Variants in ARMC9 observed in about 807,000 individuals in gnomAD.
The protein encoded by ARMC9 is lisH domain-containing protein ARMC9.
Under a neutral mutation model 107.0 loss-of-function variants are expected in ARMC9, and 94 were observed. That is an observed-to-expected ratio of 0.88 (90% CI 0.74 to 1.04). ARMC9 has a LOEUF of 1.04. Among genes scored for constraint, ARMC9 ranks in the 50% least tolerant of loss-of-function variants. The pLI, the probability that ARMC9 is intolerant of heterozygous loss-of-function variation, is 0.00. For missense variants in ARMC9, 942 were observed against 1,030.1 expected, an observed-to-expected ratio of 0.91 and a Z score of 1.17; for synonymous variants, 380 against 396.9, an observed-to-expected ratio of 0.96 and a Z score of 0.51.
chr2:231,235,615 A>G (rs1411403306), intron 8 of ARMC9, among the ~76,000 whole-genome samples: 5 of 152,166 alleles, frequency 3.3e-5, no homozygotes, highest in Non-Finnish European at 7.4e-5. Flanking sequence ...ACTGTCTGCC[A>G]TATCTTTATT....
chr2:231,324,123 C>CTTTTTTTTTTTTTTT (rs71296842), intron 19 of ARMC9, among the ~76,000 whole-genome samples: 11 of 89,266 alleles, frequency 1.2e-4, no homozygotes, highest in South Asian at 4.2e-4. Flanking sequence ...TTGTAAAGTA[C>CTTTTTTTTTTTTTTT]TTTTTTTTTT....
chr2:231,270,578 C>T (rs746504112), intron 12 of ARMC9: 8 of 471,472 alleles, frequency 1.7e-5, no homozygotes, highest in Middle Eastern at 6.4e-4. Context: ...GTGCTGTTCT[C>T]TCTGTCCTTG....
At chr2:231,292,628 C>T (rs1375772116) in intron 18 of ARMC9, among the ~76,000 whole-genome samples, 2 of 152,184 alleles carry the variant, frequency 1.3e-5, no homozygotes, top group Non-Finnish European at 2.9e-5. Flanking sequence ...TTTCTGTGGA[C>T]TCCTGACATC....
At chr2:231,286,201 C>T (rs554651295) in intron 17 of ARMC9, among the ~76,000 whole-genome samples, 8 of 152,014 alleles carry the variant, frequency 5.3e-5, no homozygotes, top group Admixed American at 2.0e-4. Context: ...CTGTAACCTC[C>T]GCCTCCCGAG....
chr2:231,294,441 A>ATATCGGAG (rs1404931815), intron 18 of ARMC9: 1 of 152,268 alleles, frequency 6.6e-6, no homozygotes, highest in Non-Finnish European at 1.5e-5. Flanking sequence ...CGTGTGTTAG[A>ATATCGGAG]TATCGGAGTG....
chr2:231,347,962 A>G (rs547455952), intron 21 of ARMC9, among the ~76,000 whole-genome samples: 3 of 152,336 alleles, frequency 2.0e-5, no homozygotes, highest in South Asian at 4.1e-4. Flanking sequence ...TTAGTATCAC[A>G]TTAAATTTAT....
In ARMC9 at chr2:231,278,908, C is replaced by G. The variant is rs9653381; in HGVS notation, c.1551+450C>G. Among the ~76,000 whole-genome samples the G allele has an allele frequency of 7.2e-3, 1,090 of 152,348 alleles. 15 individuals are homozygous for G. The highest frequency in any genetic ancestry group is 0.025 in the African/African-American group (1,029 of 41,584). On this transcript the variant is annotated intron_variant, in intron 16 of 24. Coordinates refer to ENST00000611582, the MANE Select transcript of ARMC9 (RefSeq NM_001352754.2). Reference sequence around the variant, plus strand: ...GGCTTTTCCCTTGTGTTTTTAGGACCTTTCTATGTTGCTTTACATATGTCT... The same window carrying G: ...GGCTTTTCCCTTGTGTTTTTAGGACGTTTCTATGTTGCTTTACATATGTCT...
intron 19 of ARMC9, among the ~76,000 whole-genome samples, chr2:231,304,034 A>G (rs2041910780): frequency 1.3e-5 from 2 of 152,294 alleles, no homozygotes; most frequent in South Asian, 4.1e-4. Context: ...GATCAAGACC[A>G]TCCTGGCCAA....
At chr2:231,329,117 G>A (rs764427843) in intron 19 of ARMC9, among the ~76,000 whole-genome samples, 31 of 151,634 alleles carry the variant, frequency 2.0e-4, no homozygotes, top group African/African-American at 2.7e-4. Context: ...CACCGCGCCC[G>A]GCCAACGTGT....
intron 2 of ARMC9, among the ~76,000 whole-genome samples, chr2:231,207,486 T>G (rs576209755): frequency 1.5e-4 from 23 of 151,840 alleles, no homozygotes; most frequent in African/African-American, 5.6e-4. Context: ...TTTTTTTTCT[T>G]TTTTTTTGAG....
chr2:231,284,459 G>A (rs1385652770), intron 17 of ARMC9, among the ~76,000 whole-genome samples: 1 of 152,188 alleles, frequency 6.6e-6, no homozygotes, highest in Admixed American at 6.5e-5. Context: ...TGAGACTTCA[G>A]CCTCTGCTTC....
intron 23 of ARMC9, among the ~76,000 whole-genome samples, chr2:231,365,984 C>T (rs2125597637): frequency 6.6e-6 from 1 of 152,220 alleles, no homozygotes; most frequent in South Asian, 2.1e-4. Context: ...GGCTCATTCC[C>T]ACCCCTCACA....
intron 19 of ARMC9, among the ~76,000 whole-genome samples, chr2:231,314,774 C>G (rs980622300): frequency 2.0e-5 from 3 of 152,298 alleles, no homozygotes; most frequent in South Asian, 4.1e-4. Context: ...CTTCTAAGGG[C>G]TTTGTTGTTT....
intron 8 of ARMC9, among the ~76,000 whole-genome samples, chr2:231,237,650 G>T (rs2035841804): frequency 6.7e-6 from 1 of 150,024 alleles, no homozygotes; most frequent in African/African-American, 2.5e-5. Context: ...TGAAATCTTT[G>T]TCAGTTTGGT....
Position 231,256,254 on chromosome 2 carries a change from G to A in ARMC9, c.880-332G>A, listed in dbSNP as rs887063736. The A allele has an allele frequency of 7.1e-6, 11 of 1,548,908 alleles. No homozygotes were observed. The African/African-American group carries it at 1.2e-4, about 17-fold the overall frequency. On this transcript the variant is annotated intron_variant, in intron 9 of 24. Coordinates refer to ENST00000611582, the MANE Select transcript of ARMC9 (RefSeq NM_001352754.2). ...AATGTAAAAGGCCCCGTGCGCGAGG[G>A]CGACGTGCTCACCCTTTTGGAGTCA... is the stretch of plus-strand genomic sequence containing the variant.
intron 22 of ARMC9, among the ~76,000 whole-genome samples, chr2:231,356,500 G>C (rs1332981579): frequency 6.6e-6 from 1 of 152,160 alleles, no homozygotes; most frequent in African/African-American, 2.4e-5. Flanking sequence ...AAATTAAAAG[G>C]ATTATGAGCA....
chr2:231,351,175 G>T (rs1362928897), intron 21 of ARMC9, among the ~76,000 whole-genome samples: 6 of 148,050 alleles, frequency 4.1e-5, no homozygotes, highest in Non-Finnish European at 7.4e-5. Context: ...GGATGGTCTC[G>T]ATCTCCTGAC....
chr2:231,350,425 C>T (rs990645145), intron 21 of ARMC9, among the ~76,000 whole-genome samples: 1 of 151,994 alleles, frequency 6.6e-6, no homozygotes, highest in Non-Finnish European at 1.5e-5. Context: ...GGATGACTCT[C>T]CAGTCCTTTA....
intron 19 of ARMC9, among the ~76,000 whole-genome samples, chr2:231,315,217 T>C (rs1252344831): frequency 3.6e-4 from 43 of 119,372 alleles, no homozygotes; most frequent in Middle Eastern, 6.6e-3. Flanking sequence ...CCAGCCTGGG[T>C]GACAGAGCAA....
Sources: allele counts gnomAD v4.1 joint callset (sites outside exome capture counted in the v4.1 genomes callset), GRCh38; gene constraint gnomAD v4.1.1; transcripts MANE v1.5; gene names NCBI Gene and HGNC (gene_info 2026-07-23, HGNC 2026-07-21).